The following DVL1 variants were observed in gnomAD, a reference collection of about 807,000 sequenced individuals.
DVL1 encodes the protein dishevelled segment polarity protein 1.
In DVL1, 49 loss-of-function variants were observed where a neutral mutation model predicts 65.0. The ratio of observed to expected loss-of-function variants is 0.75; its 90% CI spans 0.60 to 0.96. DVL1 has a LOEUF of 0.96. Ranked by LOEUF, DVL1 falls within the 40% of genes least tolerant of loss-of-function variation. DVL1 has a pLI of 0.00. For missense variants in DVL1, 1,197 were observed against 1,045.4 expected (o/e 1.15, Z -2.00); for synonymous variants, 608 against 433.9 (o/e 1.40, Z -4.99).
intron 1 of DVL1, among the ~76,000 whole-genome samples, chr1:1,343,959 G>C (rs541628112): frequency 6.6e-6 from 1 of 152,338 alleles, no homozygotes; most frequent in East Asian, 1.9e-4. Context: ...AGGGCACCCA[G>C]GCAGGCCGCA....
chr1:1,346,944 C>A (rs891676031), intron 1 of DVL1, among the ~76,000 whole-genome samples: 2 of 152,224 alleles, frequency 1.3e-5, no homozygotes, highest in Non-Finnish European at 2.9e-5. Flanking sequence ...CAACCAGCCC[C>A]TCCCACGGGG....
In DVL1 at chr1:1,348,995, G is replaced by A. The variant is rs1209954788; in HGVS notation, c.71C>T (p.Ala24Val). 5.7e-6 allele frequency: 9 copies of A among 1,577,568 alleles called. No individual in the cohort carries two copies. In the Admixed American group the frequency reaches 6.9e-5, roughly 12 times the overall value. Residue 24 changes from alanine to valine, a missense_variant, in exon 1 of 15, where the codon GCC becomes GTC. Ala to Val is a moderately conservative substitution (Grantham distance 64, BLOSUM62 0). Transcript: ENST00000378888. ...ETPYLVKLPV[A>V]PERVTLADFK... Reference sequence around the variant, plus strand: ...GTCGGCCAGCGTGACGCGCTCGGGGGCCACGGGCAGCTTGACCAGGTACGG... The same window carrying A: ...GTCGGCCAGCGTGACGCGCTCGGGGACCACGGGCAGCTTGACCAGGTACGG...
intron 1 of DVL1, among the ~76,000 whole-genome samples, chr1:1,347,909 C>A (rs1438281609): frequency 6.6e-6 from 1 of 152,184 alleles, no homozygotes; most frequent in African/African-American, 2.4e-5. Context: ...CTTGGGCCCC[C>A]CTGAGAGCTC....
Position 1,349,130 on chromosome 1 carries a change from ACCCG to A in DVL1, c.-69_-66del. ...GCCCGGGGCTCGGACGCGGGGCGCT[ACCCG>A]CCCGCCCGCCTGCGCCCCGCCCGGC... On this transcript the variant is annotated 5_prime_UTR_variant, in exon 1 of 15. It removes the in-frame stop codon of an upstream open reading frame in the 5' UTR. Transcript: ENST00000378888. The surrounding 1 kb of genome is among the most constrained non-coding windows in gnomAD (Gnocchi z 4.1). 6 of 934,358 alleles carry A rather than the reference ACCCG, an allele frequency of 6.4e-6. No homozygotes were observed. Among genetic ancestry groups the A allele is most frequent in the Non-Finnish European group, 6.4e-6 (5 of 782,468 alleles). The allele number at this position is 934,358 out of a possible 1,614,324, so 57.9% of individuals were successfully genotyped here. A position where few individuals can be genotyped will look rare whatever the true frequency, so the allele number is the denominator to read the frequency against.
chr1:1,338,229 T>TGGCCGCCC, intron 13 of DVL1, 40 bp downstream of exon 13: 2 of 1,522,370 alleles, frequency 1.3e-6, no homozygotes, highest in Non-Finnish European at 1.8e-6. Flanking sequence ...CCTCCGGCGT[T>TGGCCGCCC]CCCCTCCCCC....
intron 1 of DVL1, among the ~76,000 whole-genome samples, chr1:1,347,236 C>A (rs560990362): frequency 2.6e-5 from 4 of 152,156 alleles, no homozygotes; most frequent in African/African-American, 9.7e-5. Context: ...TGACTCCCAG[C>A]CCCCTGTAAG....
Position 1,341,809 on chromosome 1 carries a change from T to TG in DVL1, c.467-5dup. The TG allele has an allele frequency of 6.4e-7, 1 of 1,574,636 alleles. No homozygotes were observed. Among genetic ancestry groups the TG allele is most frequent in the Non-Finnish European group, 8.7e-7 (1 of 1,155,374 alleles). On this transcript the variant is annotated splice_region_variant and splice_polypyrimidine_tract_variant and intron_variant, in intron 4 of 14. Transcript: ENST00000378888. Reference sequence around the variant, plus strand: ...GGGTGCCCATTGGTCCGGGCGGCTGTGGGGGCAGCAGGTTGGGAACTGACT... The same window carrying TG: ...GGGTGCCCATTGGTCCGGGCGGCTGTGGGGGGCAGCAGGTTGGGAACTGACT...
At chr1:1,340,760 C>T (rs563317893) in intron 5 of DVL1, among the ~76,000 whole-genome samples, 1 of 151,658 alleles carries the variant, frequency 6.6e-6, no homozygotes, top group African/African-American at 2.4e-5. Flanking sequence ...ACATGCACAC[C>T]TGCACACACA....
At chr1:1,341,974 A>C (rs1643847505) in intron 4 of DVL1, 79 bp downstream of exon 4, 2 of 1,463,024 alleles carry the variant, frequency 1.4e-6, no homozygotes, top group African/African-American at 1.4e-5. Context: ...GGGGACAGGA[A>C]CTGCTGTAGT....
chr1:1,346,266 G>A (rs937665276), intron 1 of DVL1, among the ~76,000 whole-genome samples: 6 of 152,070 alleles, frequency 3.9e-5, no homozygotes, highest in Non-Finnish European at 7.4e-5. Flanking sequence ...AGGGCTTTGG[G>A]CCCACAGCCT....
In DVL1 at chr1:1,341,207, A is replaced by G. The variant is rs532946942; in HGVS notation, c.605+460T>C. 4.7e-4 allele frequency among the ~76,000 whole-genome samples: 71 copies of G among 151,054 alleles called. 1 individual carries two copies. In the Middle Eastern group the frequency reaches 0.01, roughly 22 times the overall value. On this transcript the variant is annotated intron_variant, in intron 5 of 14. Coordinates refer to ENST00000378888, the MANE Select transcript of DVL1 (RefSeq NM_001330311.2). ...CGCACATCTGCACACGCACACCTGC[A>G]CACACGCACACGCACACATGCACAC... is the stretch of plus-strand genomic sequence containing the variant.
At chr1:1,336,547 T>G in intron 14 of DVL1, 32 bp from the exon 15 acceptor site, 1 of 1,484,236 alleles carries the variant, frequency 6.7e-7, no homozygotes, top group Non-Finnish European at 8.9e-7. Flanking sequence ...GGAAGGAGCC[T>G]GTCAGCACCA....
At position 1,340,485 on chromosome 1, in the gene DVL1, C is replaced by T. The variant is rs762418854; in HGVS notation, c.624G>A (p.Glu208=). ...GSTSRLSSST[E]QSTSSRLIRK... ...GGATGAGTCTGGATGAGGTGCTCTGCTCCGTGGAGCTGCTGAGCCTGGGAA... is the reference window on the plus strand; with the variant it reads ...GGATGAGTCTGGATGAGGTGCTCTGTTCCGTGGAGCTGCTGAGCCTGGGAA... The change falls in exon 6 of 15, where the codon GAG becomes GAA. Residue 208 remains glutamate (E), a synonymous_variant. Coordinates refer to ENST00000378888, the MANE Select transcript of DVL1 (RefSeq NM_001330311.2). 1 of 1,607,244 alleles carries T rather than the reference C, an allele frequency of 6.2e-7. No individual in the cohort carries two copies. Among genetic ancestry groups the T allele is most frequent in the Non-Finnish European group, 8.5e-7 (1 of 1,177,256 alleles).
chr1:1,336,610 G>A, intron 14 of DVL1, 95 bp from the exon 15 acceptor site: 2 of 1,438,502 alleles, frequency 1.4e-6, no homozygotes, highest in African/African-American at 2.9e-5. Context: ...GGCAGGAACG[G>A]TGGCCCGTGC....
chr1:1,346,982 G>A (rs1430152889), intron 1 of DVL1, among the ~76,000 whole-genome samples: 2 of 152,312 alleles, frequency 1.3e-5, no homozygotes, highest in South Asian at 2.1e-4. Flanking sequence ...AGACAGTGCT[G>A]AGAGGTCTGC....
intron 1 of DVL1, among the ~76,000 whole-genome samples, chr1:1,343,970 G>A (rs1452936472): frequency 6.6e-6 from 1 of 152,178 alleles, no homozygotes; most frequent in Non-Finnish European, 1.5e-5. Context: ...GCAGGCCGCA[G>A]AGGGTCAGGG....
chr1:1,340,761 T>C (rs1643774748), intron 5 of DVL1, among the ~76,000 whole-genome samples: 1 of 150,928 alleles, frequency 6.6e-6, no homozygotes, highest in Non-Finnish European at 1.5e-5. Context: ...CATGCACACC[T>C]GCACACACAT....
Position 1,340,059 on chromosome 1 carries a change from C to A in DVL1, c.888G>T (p.Glu296Asp). Residue 296 changes from glutamate to aspartate, a missense_variant, in exon 8 of 15, where the codon GAG becomes GAT. Transcript: ENST00000378888. Reference protein sequence around the residue: ...GGAVAADGRIEPGDMLLQVND... With the variant: ...GGAVAADGRIDPGDMLLQVND... ...ACACCTGCAGCAACATGTCGCCGGG[C>A]TCGATGCGGCCGTCAGCGGCCACAG... The A allele has an allele frequency of 6.2e-7, 1 of 1,612,908 alleles. No homozygotes were observed. The highest frequency in any genetic ancestry group is 1.3e-5 in the African/African-American group (1 of 75,030).
At chr1:1,342,952 C>A (rs1557671713) in intron 1 of DVL1, among the ~76,000 whole-genome samples, 194 bp from the exon 2 acceptor site, 1 of 145,898 alleles carries the variant, frequency 6.9e-6, no homozygotes, top group Non-Finnish European at 1.5e-5. Context: ...CAGCATGGGG[C>A]CAGTCACTCT....
Sources: gnomAD v4.1 joint callset for allele counts (sites outside exome capture counted in the v4.1 genomes callset) on GRCh38, gnomAD v4.1.1 for gene constraint, Gnocchi (gnomAD v3.1) non-coding constraint, MANE v1.5 for transcripts, NCBI Gene and HGNC (gene_info 2026-07-23, HGNC 2026-07-21) for gene names.